The following ARHGAP45 variants were observed in gnomAD, a reference collection of about 807,000 sequenced individuals.
ARHGAP45 encodes the protein Rho GTPase activating protein 45.
A neutral mutation model predicts 116.1 loss-of-function variants in ARHGAP45; 56 were observed. That is an observed-to-expected ratio of 0.48 (90% confidence interval 0.39 to 0.60). The LOEUF (loss-of-function observed/expected upper bound fraction) is 0.60, where lower values mean the gene tolerates loss of function less well. Ranked by LOEUF, ARHGAP45 falls within the 20% of genes least tolerant of loss-of-function variation. The probability of loss-of-function intolerance (pLI) is 0.00; values close to 1 mark genes in which losing one functional copy is unlikely to be tolerated. For synonymous variants in ARHGAP45, 866 were observed against 701.7 expected (o/e 1.23, Z -3.70); for missense variants, 1,622 against 1,601.0 (o/e 1.01, Z -0.22).
chr19:1,072,876 CAA>C (rs1031565212), intron 2 of ARHGAP45, among the ~76,000 whole-genome samples: 22 of 152,288 alleles, frequency 1.4e-4, no homozygotes, highest in African/African-American at 5.3e-4. Flanking sequence ...GCTTGAAGGA[CAA>C]GAGGCAGTTT....
Position 1,078,011 on chromosome 19 carries a change from A to AGCG in ARHGAP45, c.1349_1351dup (p.Arg450dup), listed in dbSNP as rs756538600. The AGCG allele has an allele frequency of 4.7e-5, 73 of 1,553,556 alleles. No individual in the cohort carries two copies. The highest frequency in any genetic ancestry group is 1.9e-5 in the Admixed American group (1 of 51,396). On this transcript the variant is annotated inframe_insertion, in exon 11 of 23. Transcript: ENST00000313093. The stretch of plus-strand genomic sequence containing the variant: ...AGCACGGCCACCAAGACCCTGGACA[A>AGCG]GCGGCGGCGGCTGGAGGAGGAGGCC...
chr19:1,071,291 G>C lies in ARHGAP45; in HGVS notation c.422-1858G>C, dbSNP rs1348334336. 6.8e-7 allele frequency: 1 copy of C among 1,476,868 alleles called. No individual in the cohort carries two copies. The highest frequency in any genetic ancestry group is 8.9e-7 in the Non-Finnish European group (1 of 1,119,222). The allele number at this position is 1,476,868 out of a possible 1,614,324, so 91.5% of individuals were successfully genotyped here. A position where few individuals can be genotyped will look rare whatever the true frequency, so the allele number is the denominator to read the frequency against. ...CTCCGCGCCCCGACGGCTGCGCCAT[G>C]TGTATCTGCGGGACGGCGCACCCGG... On this transcript the variant is annotated intron_variant, in intron 2 of 22. Coordinates refer to ENST00000313093, the MANE Select transcript of ARHGAP45 (RefSeq NM_012292.5). This position sits in a 1 kb window ranked among gnomAD's most constrained non-coding sequence, Gnocchi z 4.6.
chr19:1,085,643 C>A lies in ARHGAP45; in HGVS notation c.3065-17C>A, dbSNP rs1164700098. 6.6e-7 allele frequency: 1 copy of A among 1,518,300 alleles called. No individual in the cohort carries two copies. Among genetic ancestry groups the A allele is most frequent in the Non-Finnish European group, 8.9e-7 (1 of 1,125,126 alleles). The allele number at this position is 1,518,300 out of a possible 1,614,324, so 94.1% of individuals were successfully genotyped here. ...TCTCCTGTCTGTCTCCCCCCGCCAT[C>A]TGTCTCCCTTTCTTAGAATCCCGAG... is the stretch of plus-strand genomic sequence containing the variant. On this transcript the variant is annotated splice_polypyrimidine_tract_variant and intron_variant, in intron 22 of 22. Coordinates refer to ENST00000313093, the MANE Select transcript of ARHGAP45 (RefSeq NM_012292.5).
rs565148754 is a variant in ARHGAP45 at position 1,068,970 on chromosome 19, A to T, written c.421+226A>T. ...AGAGGGTGCCCACTTTATTTTTTTTAAAGGATCTGATGGCAATTAGGAGGG... is the reference window on the plus strand; with the variant it reads ...AGAGGGTGCCCACTTTATTTTTTTTTAAGGATCTGATGGCAATTAGGAGGG... On this transcript the variant is annotated intron_variant, in intron 2 of 22. Coordinates refer to ENST00000313093, the MANE Select transcript of ARHGAP45 (RefSeq NM_012292.5). The surrounding 1 kb of genome is among the most constrained non-coding windows in gnomAD (Gnocchi z 7.5). 7.9e-5 allele frequency among the ~76,000 whole-genome samples: 12 copies of T among 152,024 alleles called. No homozygotes were observed. The highest frequency in any genetic ancestry group is 1.3e-4 in the Non-Finnish European group (9 of 67,974).
chr19:1,074,747 G>T (rs1234666042), intron 9 of ARHGAP45, 23 bp downstream of exon 9: 2 of 1,596,286 alleles, frequency 1.3e-6, no homozygotes, highest in Non-Finnish European at 1.7e-6. Flanking sequence ...CGGGAGGGCG[G>T]GCTGGGCGGG....
At chr19:1,067,695 G>A (rs2043064573) in intron 1 of ARHGAP45, 200 bp downstream of exon 1, 1 of 708,478 alleles carries the variant, frequency 1.4e-6, no homozygotes, top group Non-Finnish European at 2.6e-6. Context: ...TGGGAGTGGT[G>A]GCCGCCTCCC....
At chr19:1,073,815 C>A (rs2043183509) in intron 5 of ARHGAP45, 69 bp downstream of exon 5, 4 of 1,532,948 alleles carry the variant, frequency 2.6e-6, no homozygotes, top group Non-Finnish European at 3.5e-6. Context: ...GTCTGCAGGG[C>A]CCAGACAGTC....
At chr19:1,081,478 G>A in intron 17 of ARHGAP45, 72 bp from the exon 18 acceptor site, 1 of 1,380,296 alleles carries the variant, frequency 7.2e-7, no homozygotes, top group Non-Finnish European at 9.6e-7. Context: ...CGGGGAGGTG[G>A]GGTGGAGCCG....
At position 1,074,795 on chromosome 19, in the gene ARHGAP45, C is replaced by A. The variant is rs2043207860; in HGVS notation, c.1105-4C>A. On this transcript the variant is annotated splice_polypyrimidine_tract_variant and splice_region_variant and intron_variant, in intron 9 of 22. Transcript: ENST00000313093. The stretch of plus-strand genomic sequence containing the variant: ...GTACCCACTCACGGCCCGTCTCGCC[C>A]CAGCCCCTGACCCTGCGGCGGCTTG... The A allele has an allele frequency of 1.9e-6, 3 of 1,601,978 alleles. No homozygotes were observed. The highest frequency in any genetic ancestry group is 2.2e-5 in the East Asian group (1 of 44,500).
intron 11 of ARHGAP45, 33 bp from the exon 12 acceptor site, chr19:1,079,670 G>T: frequency 6.2e-7 from 1 of 1,610,140 alleles, no homozygotes; most frequent in African/African-American, 1.3e-5. Context: ...CCCGGGCTGA[G>T]GCCTCTCTCT....
In ARHGAP45 at chr19:1,077,864, C is replaced by T. The variant is rs1206900299; in HGVS notation, c.1193C>T (p.Ala398Val). 1.3e-6 allele frequency: 2 copies of T among 1,553,076 alleles called. No individual in the cohort carries two copies. Among genetic ancestry groups the T allele is most frequent in the Non-Finnish European group, 1.7e-6 (2 of 1,148,088 alleles). Residue 398 changes from alanine to valine, a missense_variant, in exon 11 of 23, where the codon GCG becomes GTG. This residue lies in a region of ARHGAP45 where 1,334 missense variants were observed against 1,263.8 expected (regional missense o/e 1.06). Transcript: ENST00000313093. ...TGGCTCCCACACCCACAGCAAGAGG[C>T]GGAGTCCAACCTGCGCAAGGCCAAG... Reference protein sequence around the residue: ...WHRAQRKLQEAESNLRKAKQG... With the variant: ...WHRAQRKLQEVESNLRKAKQG...
chr19:1,078,065 G>A lies in ARHGAP45; in HGVS notation c.1374+20G>A. 1 of 1,539,914 alleles carries A rather than the reference G, an allele frequency of 6.5e-7. No individual in the cohort carries two copies. The highest frequency in any genetic ancestry group is 8.8e-7 in the Non-Finnish European group (1 of 1,136,774). ...AACAAGGTGAGGGCGGGTGGAGGCA[G>A]GGCTGGAGGTCCCTGGAGGAGGAGA... On this transcript the variant is annotated intron_variant, in intron 11 of 22. Transcript: ENST00000313093.
Position 1,071,393 on chromosome 19 carries a change from G to A in ARHGAP45, c.422-1756G>A, listed in dbSNP as rs1158786495. On this transcript the variant is annotated intron_variant, in intron 2 of 22. Coordinates refer to ENST00000313093, the MANE Select transcript of ARHGAP45 (RefSeq NM_012292.5). This position sits in a 1 kb window ranked among gnomAD's most constrained non-coding sequence, Gnocchi z 4.6. ...CAGGTGCCGGGCGCTGGGTCCCGCC[G>A]CGTCCGGGAGCACGTGGCGCTCGGG... is the stretch of plus-strand genomic sequence containing the variant. 63 of 1,175,788 alleles carry A rather than the reference G, an allele frequency of 5.4e-5. No individual in the cohort carries two copies. Among genetic ancestry groups the A allele is most frequent in the Non-Finnish European group, 1.1e-5 (10 of 950,082 alleles). 72.8% of individuals were successfully genotyped at this position (1,175,788 alleles called of 1,614,324 possible).
chr19:1,073,899 GC>G, intron 5 of ARHGAP45, 48 bp from the exon 6 acceptor site: 1 of 1,531,882 alleles, frequency 6.5e-7, no homozygotes, highest in African/African-American at 1.4e-5. Flanking sequence ...GGTGGGCACT[GC>G]CCAGGGCCCC....
At position 1,084,994 on chromosome 19, in the gene ARHGAP45, A is replaced by C. The variant is rs545814999; in HGVS notation, c.3064+648A>C. Among the ~76,000 whole-genome samples, 4 of 152,312 alleles carry C rather than the reference A, an allele frequency of 2.6e-5. No homozygotes were observed. In the South Asian group the frequency reaches 8.3e-4, roughly 32 times the overall value. ...CTACTCAGGAGGCTGAAGCAGGAGAATCACTTGAACCGGGGAGGCAGAGGT... is the reference window on the plus strand; with the variant it reads ...CTACTCAGGAGGCTGAAGCAGGAGACTCACTTGAACCGGGGAGGCAGAGGT... On this transcript the variant is annotated intron_variant, in intron 22 of 22. Coordinates refer to ENST00000313093, the MANE Select transcript of ARHGAP45 (RefSeq NM_012292.5).
chr19:1,082,789 TG>T, intron 19 of ARHGAP45, 50 bp from the exon 20 acceptor site: 2 of 1,412,380 alleles, frequency 1.4e-6, no homozygotes, highest in Non-Finnish European at 9.3e-7. Context: ...CAGGCACACG[TG>T]GGGGCTGGGC....
chr19:1,081,140 C>G, intron 17 of ARHGAP45, 76 bp downstream of exon 17: 1 of 1,465,218 alleles, frequency 6.8e-7, no homozygotes, highest in Non-Finnish European at 9.2e-7. Context: ...GGCCTGTGTG[C>G]CCTCAGGAAT....
Position 1,084,264 on chromosome 19 carries a change from G to C in ARHGAP45, c.2982G>C (p.Glu994Asp), listed in dbSNP as rs771948346. 225 of 1,613,496 alleles carry C rather than the reference G, an allele frequency of 1.4e-4. No individual in the cohort carries two copies. Among genetic ancestry groups the C allele is most frequent in the Non-Finnish European group, 1.9e-4 (219 of 1,179,944 alleles). The change falls in exon 22 of 23, where the codon GAG becomes GAC. Residue 994 changes from glutamate to aspartate, a missense_variant. Physicochemically the swap from Glu to Asp is conservative, Grantham distance 45 (BLOSUM62 2). Transcript: ENST00000313093. ...ACGAGTCATCCAACCAGCGAGCTGA[G>C]GTAGTCGTCCAGGTGCCGTACCTGG... ...GQDESSNQRA[E>D]VVVQVPYLEA...
rs2043401920 is a variant in ARHGAP45 at position 1,080,528 on chromosome 19, G to A, written c.1893G>A (p.Leu631=). Residue 631 remains leucine, a synonymous_variant, in exon 15 of 23, where the codon CTG becomes CTA. Coordinates refer to ENST00000313093, the MANE Select transcript of ARHGAP45 (RefSeq NM_012292.5). The part of the protein sequence containing the change: ...PLSISDSDSG[L]DPGPGAGDFK... The stretch of plus-strand genomic sequence containing the variant: ...CGATCTCAGACTCGGACAGTGGGCT[G>A]GACCCCGGCCCTGGCGCAGGTGAGG... 1 of 1,612,822 alleles carries A rather than the reference G, an allele frequency of 6.2e-7. No individual in the cohort carries two copies. Among genetic ancestry groups the A allele is most frequent in the Non-Finnish European group, 8.5e-7 (1 of 1,179,980 alleles).
Sources: allele counts gnomAD v4.1 joint callset (sites outside exome capture counted in the v4.1 genomes callset), GRCh38; gene constraint gnomAD v4.1.1; regional missense constraint gnomAD v4.1.1; non-coding constraint Gnocchi (gnomAD v3.1); transcripts MANE v1.5; gene names NCBI Gene and HGNC (gene_info 2026-07-23, HGNC 2026-07-21).